Variants in SLC35F4 observed in about 807,000 individuals in gnomAD.
SLC35F4 encodes the protein solute carrier family 35 member F4.
A neutral mutation model predicts 44.2 loss-of-function variants in SLC35F4; 24 were observed. That is an observed-to-expected ratio of 0.54 (90% confidence interval 0.39 to 0.76). The LOEUF (loss-of-function observed/expected upper bound fraction) is 0.76. SLC35F4 is among the 30% of genes least tolerant of loss of function. The probability of loss-of-function intolerance (pLI) is 0.00; values close to 1 mark genes in which losing one functional copy is unlikely to be tolerated. For synonymous variants in SLC35F4, 238 were observed against 223.6 expected, an observed-to-expected ratio of 1.06 and a Z score of -0.57; for missense variants, 562 against 586.1, an observed-to-expected ratio of 0.96 and a Z score of 0.42.
intron 1 of SLC35F4, among the ~76,000 whole-genome samples, chr14:57,782,430 C>A (rs1290182300): frequency 6.6e-6 from 1 of 151,518 alleles, no homozygotes; most frequent in African/African-American, 2.4e-5. Flanking sequence ...TATGTAGATA[C>A]TAGTCTATTT....
exon 1 of SLC35F4, chr14:57,981,959 G>C (rs940617051): frequency 2.0e-5 from 3 of 152,072 alleles, no homozygotes; most frequent in African/African-American, 7.2e-5. Flanking sequence ...GCAACTCACA[G>C]ACTGTCTTCT....
chr14:57,869,215 A>C (rs1888245164), upstream of SLC35F4, among the ~76,000 whole-genome samples: 1 of 151,910 alleles, frequency 6.6e-6, no homozygotes, highest in Non-Finnish European at 1.5e-5. Context: ...TTTTTTTAAA[A>C]AAAGCCAAAT....
At chr14:57,734,600 G>C (rs1435069972) in intron 1 of SLC35F4, among the ~76,000 whole-genome samples, 2 of 151,890 alleles carry the variant, frequency 1.3e-5, no homozygotes, top group African/African-American at 4.8e-5. Flanking sequence ...TATTAAGCTG[G>C]GACAACACAG....
chr14:57,910,761 T>A (rs981829892), intron 1 of SLC35F4, among the ~76,000 whole-genome samples: 3 of 152,058 alleles, frequency 2.0e-5, no homozygotes, highest in Admixed American at 2.0e-4. Flanking sequence ...TATCAGATAA[T>A]CAGGCTCTCT....
At chr14:57,876,073 T>C (rs576056888) in intron 1 of SLC35F4, among the ~76,000 whole-genome samples, 2 of 152,312 alleles carry the variant, frequency 1.3e-5, no homozygotes, top group African/African-American at 2.4e-5. Flanking sequence ...GAATAGAAAC[T>C]GCAACCTTTT....
chr14:57,728,157 C>G (rs2076250272), intron 1 of SLC35F4, among the ~76,000 whole-genome samples: 1 of 152,086 alleles, frequency 6.6e-6, no homozygotes, highest in African/African-American at 2.4e-5. Context: ...TCTCTTCTTA[C>G]AGTTTTTGTC....
chr14:57,767,772 T>TA (rs2077268910), intron 1 of SLC35F4, among the ~76,000 whole-genome samples: 1 of 151,794 alleles, frequency 6.6e-6, no homozygotes, highest in South Asian at 2.1e-4. Flanking sequence ...ACTCTAGCAA[T>TA]ACTGGCAAAA....
At chr14:57,809,724 A>G (rs1014230316) in intron 1 of SLC35F4, among the ~76,000 whole-genome samples, 1 of 152,236 alleles carries the variant, frequency 6.6e-6, no homozygotes, top group African/African-American at 2.4e-5. Flanking sequence ...ATTATTTGGT[A>G]AACACTGTTA....
At chr14:57,573,015 G>T (rs1276411626) in intron 4 of SLC35F4, among the ~76,000 whole-genome samples, 2 of 152,196 alleles carry the variant, frequency 1.3e-5, no homozygotes, top group Non-Finnish European at 2.9e-5. Context: ...CTTCAGTTCT[G>T]AGTATTCCCA....
intron 1 of SLC35F4, among the ~76,000 whole-genome samples, chr14:57,897,229 T>C (rs914164664): frequency 2.0e-5 from 3 of 152,048 alleles, no homozygotes; most frequent in Non-Finnish European, 4.4e-5. Context: ...TTTCTTGCAA[T>C]AGTGTGTCAA....
intron 1 of SLC35F4, among the ~76,000 whole-genome samples, chr14:57,911,261 C>A (rs931961026): frequency 7.2e-5 from 11 of 151,870 alleles, no homozygotes; most frequent in Non-Finnish European, 1.6e-4. Flanking sequence ...CCTTCCTAAT[C>A]TATATATCCT....
chr14:57,602,165 G>A (rs2070861061), intron 1 of SLC35F4, among the ~76,000 whole-genome samples: 1 of 131,516 alleles, frequency 7.6e-6, no homozygotes, highest in Non-Finnish European at 1.6e-5. Flanking sequence ...AGCCTGGATG[G>A]TAAAAAAAAA....
At chr14:57,589,845 C>G (rs1177258164) in intron 2 of SLC35F4, among the ~76,000 whole-genome samples, 1 of 152,156 alleles carries the variant, frequency 6.6e-6, no homozygotes, top group Non-Finnish European at 1.5e-5. Flanking sequence ...ACATGCCCTG[C>G]GCTTTCTATT....
intron 1 of SLC35F4, among the ~76,000 whole-genome samples, chr14:57,636,344 C>T (rs1274616699): frequency 2.0e-5 from 3 of 152,074 alleles, no homozygotes; most frequent in African/African-American, 4.8e-5. Flanking sequence ...AGAGGTTGCA[C>T]TGAAAATACC....
downstream of SLC35F4, among the ~76,000 whole-genome samples, chr14:57,976,370 A>T (rs973916105): frequency 6.6e-6 from 1 of 152,228 alleles, no homozygotes; most frequent in Non-Finnish European, 1.5e-5. Flanking sequence ...GTATAATCAC[A>T]ATACACTTCT....
chr14:57,578,351 T>G (rs2068970595), intron 4 of SLC35F4, among the ~76,000 whole-genome samples: 1 of 132,886 alleles, frequency 7.5e-6, no homozygotes, highest in Non-Finnish European at 1.6e-5. Context: ...TTTTTTTTTT[T>G]TTTTTTTTTT....
At chr14:57,632,765 G>A (rs2072845793) in intron 1 of SLC35F4, among the ~76,000 whole-genome samples, 1 of 151,900 alleles carries the variant, frequency 6.6e-6, no homozygotes, top group Non-Finnish European at 1.5e-5. Context: ...GTGGGATCTT[G>A]GCTCACTGCA....
In SLC35F4 at chr14:57,675,650, T is replaced by C. The variant is rs62004037; in HGVS notation, c.104-81526A>G. On this transcript the variant is annotated intron_variant, in intron 1 of 7. Transcript: ENST00000556826. ...ATTCAGTATGATGTTGGCTGTGGGTTTGTCATATATTGCTTTTATTACTTT... is the reference window on the plus strand; with the variant it reads ...ATTCAGTATGATGTTGGCTGTGGGTCTGTCATATATTGCTTTTATTACTTT... 5.9e-5 allele frequency among the ~76,000 whole-genome samples: 9 copies of C among 152,066 alleles called. No individual in the cohort carries two copies. The East Asian group carries it at 9.6e-4, about 16-fold the overall frequency.
chr14:57,971,021 G>T (rs1002535330), intron 1 of SLC35F4, among the ~76,000 whole-genome samples: 3 of 152,136 alleles, frequency 2.0e-5, no homozygotes, highest in African/African-American at 4.8e-5. Context: ...GTTAATTGAT[G>T]GTCCACACTC....
Sources: allele counts gnomAD v4.1 joint callset (sites outside exome capture counted in the v4.1 genomes callset), GRCh38; gene constraint gnomAD v4.1.1; transcripts MANE v1.5; gene names NCBI Gene and HGNC (gene_info 2026-07-23, HGNC 2026-07-21).